Variants in SEMA6D observed in about 807,000 individuals in gnomAD.
SEMA6D encodes semaphorin-6D.
In SEMA6D, 35 loss-of-function variants were observed where a neutral mutation model predicts 106.6. That is an observed-to-expected ratio of 0.33 (90% CI 0.25 to 0.44). The LOEUF (loss-of-function observed/expected upper bound fraction) is 0.44. Ranked by LOEUF, SEMA6D falls within the 20% of genes least tolerant of loss-of-function variation. The pLI is 1.00. For missense variants in SEMA6D, 1,185 were observed against 1,345.9 expected (o/e 0.88, Z 1.87); for synonymous variants, 499 against 487.7 (o/e 1.02, Z -0.31).
intron 1 of SEMA6D, among the ~76,000 whole-genome samples, chr15:47,392,810 G>A (rs1002072772): frequency 1.3e-5 from 2 of 152,198 alleles, no homozygotes; most frequent in African/African-American, 4.8e-5. Flanking sequence ...AGAAACTCCA[G>A]TTGAGGAAGG....
intron 3 of SEMA6D, among the ~76,000 whole-genome samples, chr15:47,487,781 T>C (rs919028129): frequency 6.6e-6 from 1 of 152,240 alleles, no homozygotes; most frequent in Non-Finnish European, 1.5e-5. Flanking sequence ...TATGCACACA[T>C]GCAAGTATTT....
intron 2 of SEMA6D, among the ~76,000 whole-genome samples, chr15:47,464,939 A>G (rs187682242): frequency 1.3e-5 from 2 of 152,244 alleles, no homozygotes; most frequent in East Asian, 3.9e-4. Context: ...TCTGCAAATA[A>G]TCAGGTAATT....
intron 1 of SEMA6D, among the ~76,000 whole-genome samples, chr15:47,261,332 A>G (rs1241242417): frequency 1.3e-5 from 2 of 152,116 alleles, no homozygotes; most frequent in African/African-American, 4.8e-5. Flanking sequence ...TATTACTAAA[A>G]ATTATTTCAT....
At chr15:47,537,996 G>T (rs535601368) in intron 3 of SEMA6D, among the ~76,000 whole-genome samples, 1 of 152,278 alleles carries the variant, frequency 6.6e-6, no homozygotes, top group South Asian at 2.1e-4. Context: ...ATGGCTGTGG[G>T]CACAGAACAT....
At chr15:47,372,861 G>T (rs935857966) in intron 1 of SEMA6D, among the ~76,000 whole-genome samples, 3 of 152,270 alleles carry the variant, frequency 2.0e-5, no homozygotes, top group Admixed American at 6.5e-5. Context: ...TCATAGGACT[G>T]CCCAGGGTCA....
chr15:47,724,544 G>A (rs1665361997), intron 1 of SEMA6D, among the ~76,000 whole-genome samples: 10 of 152,002 alleles, frequency 6.6e-5, no homozygotes, highest in Admixed American at 6.6e-4. Context: ...CTTGAACTAG[G>A]TAGGATTTGG....
intron 1 of SEMA6D, among the ~76,000 whole-genome samples, chr15:47,271,825 G>A (rs1211467012): frequency 6.6e-6 from 1 of 152,184 alleles, no homozygotes; most frequent in Non-Finnish European, 1.5e-5. Flanking sequence ...GTCAGTGGAG[G>A]AAAATATTTT....
intron 3 of SEMA6D, among the ~76,000 whole-genome samples, chr15:47,549,626 G>T (rs1330501163): frequency 1.3e-5 from 2 of 151,054 alleles, no homozygotes; most frequent in Non-Finnish European, 3.0e-5. Flanking sequence ...TTCACCATGG[G>T]TTTTTTTTTG....
chr15:47,428,450 A>ACCT (rs2041420046), intron 2 of SEMA6D, among the ~76,000 whole-genome samples: 1 of 34,046 alleles, frequency 2.9e-5, no homozygotes. Context: ...AAAAGTATTT[A>ACCT]GGCGCAGATC....
intron 4 of SEMA6D, among the ~76,000 whole-genome samples, chr15:47,610,926 A>T (rs2076886889): frequency 6.6e-6 from 1 of 152,342 alleles, no homozygotes; most frequent in East Asian, 1.9e-4. Context: ...ACTATATGTT[A>T]TATGGCAGTT....
At chr15:47,434,733 TG>T (rs2041648679) in intron 2 of SEMA6D, among the ~76,000 whole-genome samples, 1 of 152,294 alleles carries the variant, frequency 6.6e-6, no homozygotes, top group Admixed American at 6.5e-5. Context: ...TGGTCCCACA[TG>T]GCATAGCTCC....
intron 2 of SEMA6D, among the ~76,000 whole-genome samples, chr15:47,465,237 T>C (rs1185833703): frequency 1.6e-4 from 24 of 152,324 alleles, no homozygotes; most frequent in Admixed American, 1.5e-3. Flanking sequence ...GTAAGAAATA[T>C]TGAAACATTC....
intron 1 of SEMA6D, among the ~76,000 whole-genome samples, chr15:47,293,203 C>G (rs966364601): frequency 6.6e-6 from 1 of 152,168 alleles, no homozygotes; most frequent in Non-Finnish European, 1.5e-5. Flanking sequence ...ATGAAGCTCT[C>G]ATCCTCCTCC....
At chr15:47,550,717 A>C (rs952848307) in intron 3 of SEMA6D, among the ~76,000 whole-genome samples, 1 of 152,142 alleles carries the variant, frequency 6.6e-6, no homozygotes, top group Non-Finnish European at 1.5e-5. Flanking sequence ...TTCCAAGCTC[A>C]AGTAATCCTC....
chr15:47,274,326 GC>G (rs2034702546), intron 1 of SEMA6D: 1 of 152,028 alleles, frequency 6.6e-6, no homozygotes. Flanking sequence ...GGAGGGAAAA[GC>G]CCTGAAAGAA....
chr15:47,663,121 C>T (rs1292663224), intron 4 of SEMA6D, among the ~76,000 whole-genome samples: 1 of 152,116 alleles, frequency 6.6e-6, no homozygotes, highest in African/African-American at 2.4e-5. Context: ...TATTTAAAAA[C>T]GTTTATAAGG....
At chr15:47,557,452 T>C (rs1257643050) in intron 3 of SEMA6D, among the ~76,000 whole-genome samples, 1 of 152,186 alleles carries the variant, frequency 6.6e-6, no homozygotes, top group African/African-American at 2.4e-5. Flanking sequence ...TAAGCTTTTT[T>C]TCTTGAAGTT....
At chr15:47,193,230 A>T (rs1480265098) in intron 1 of SEMA6D, among the ~76,000 whole-genome samples, 1 of 152,162 alleles carries the variant, frequency 6.6e-6, no homozygotes, top group Non-Finnish European at 1.5e-5. Flanking sequence ...AAAATTGACA[A>T]TATTAATACA....
At chr15:47,598,559 C>G (rs2076580940) in intron 3 of SEMA6D, among the ~76,000 whole-genome samples, 1 of 152,098 alleles carries the variant, frequency 6.6e-6, no homozygotes, top group South Asian at 2.1e-4. Context: ...CAGACCACTC[C>G]CCTGTACAAA....
Sources: allele counts gnomAD v4.1 joint callset (sites outside exome capture counted in the v4.1 genomes callset), GRCh38; gene constraint gnomAD v4.1.1; transcripts MANE v1.5; gene names NCBI Gene and HGNC (gene_info 2026-07-23, HGNC 2026-07-21).